Variants in CD6 observed in about 807,000 individuals in gnomAD.
CD6 encodes CD6 molecule.
In CD6, 53 loss-of-function variants were observed where a neutral mutation model predicts 75.3. That is an observed-to-expected ratio of 0.70 (90% CI 0.56 to 0.88). CD6 has a LOEUF of 0.88. CD6 is among the 40% of genes least tolerant of loss of function. CD6 has a pLI of 0.00. For synonymous variants in CD6, 359 were observed against 381.5 expected (o/e 0.94, Z 0.69); for missense variants, 770 against 897.1 (o/e 0.86, Z 1.81).
At chr11:60,992,837 A>G (rs1858124528) in intron 1 of CD6, among the ~76,000 whole-genome samples, 2 of 151,936 alleles carry the variant, frequency 1.3e-5, no homozygotes, top group African/African-American at 4.8e-5. Context: ...CCAAAAATAA[A>G]AAAAAATAAA....
chr11:60,999,786 C>T (rs1858491696), intron 1 of CD6, among the ~76,000 whole-genome samples: 1 of 152,024 alleles, frequency 6.6e-6, no homozygotes, highest in South Asian at 2.1e-4. Context: ...GTGGCTCACG[C>T]CTGTAATCCC....
At chr11:61,011,750 T>C (rs1565159429) in intron 6 of CD6, among the ~76,000 whole-genome samples, 1 of 152,184 alleles carries the variant, frequency 6.6e-6, no homozygotes, top group Non-Finnish European at 1.5e-5. Flanking sequence ...CAGCTGCGTG[T>C]AGCTTGGCTG....
At chr11:61,015,596 C>A (rs543675390) in intron 8 of CD6, 117 bp from the exon 9 acceptor site, 1 of 1,190,962 alleles carries the variant, frequency 8.4e-7, no homozygotes, top group Non-Finnish European at 1.2e-6. Context: ...AAAAAGGGGG[C>A]TACTTGGTGC....
intron 1 of CD6, among the ~76,000 whole-genome samples, chr11:60,976,829 C>G (rs143097408): frequency 6.6e-6 from 1 of 152,296 alleles, no homozygotes; most frequent in Non-Finnish European, 1.5e-5. Flanking sequence ...CTACATCTGC[C>G]GTGCATCTGG....
At chr11:61,003,291 C>T (rs947249207) in intron 1 of CD6, among the ~76,000 whole-genome samples, 23 of 151,988 alleles carry the variant, frequency 1.5e-4, no homozygotes, top group Non-Finnish European at 3.1e-4. Context: ...CATCCAACTT[C>T]TCAACACAGG....
At chr11:61,010,763 G>A (rs1030292983) in intron 5 of CD6, among the ~76,000 whole-genome samples, 4 of 152,206 alleles carry the variant, frequency 2.6e-5, no homozygotes, top group African/African-American at 7.2e-5. Context: ...GGCTGATTAA[G>A]AACAAACTGA....
intron 1 of CD6, among the ~76,000 whole-genome samples, chr11:60,977,132 C>G (rs1857394149): frequency 6.6e-6 from 1 of 152,002 alleles, no homozygotes; most frequent in Non-Finnish European, 1.5e-5. Context: ...TGCCCATGGC[C>G]CTCCTCATTC....
intron 7 of CD6, 68 bp downstream of exon 7, chr11:61,013,631 CA>C (rs1486593013): frequency 1.3e-6 from 2 of 1,560,898 alleles, no homozygotes; most frequent in Non-Finnish European, 8.8e-7. Flanking sequence ...ACCCCAGCAG[CA>C]GTGGCGTGGT....
intron 1 of CD6, among the ~76,000 whole-genome samples, chr11:61,004,796 C>G (rs61899222): frequency 0.16 from 24,247 of 152,220 alleles, 2,210 homozygotes; most frequent in African/African-American, 0.25. Flanking sequence ...GCTGGGTCAA[C>G]ATCCCCTTCC....
rs772840385 is a variant in CD6 at position 61,015,783 on chromosome 11, TGA to T, written c.1460_1461del (p.Glu487AlafsTer3). ...CAGACTCTGGCTCGGACTCAGACTA[TGA>T]GCACTATGACTTCAGCGCCCAGCCT... The part of the protein sequence containing the change: ...DSDSGSDSDY[E>X]HYDFSAQPPV... On this transcript the variant is annotated frameshift_variant, in exon 9 of 13. Coordinates refer to ENST00000313421, the MANE Select transcript of CD6 (RefSeq NM_006725.5). LOFTEE classifies it high-confidence loss of function. 1.2e-6 allele frequency: 2 copies of T among 1,614,174 alleles called. No individual in the cohort carries two copies. Among genetic ancestry groups the T allele is most frequent in the South Asian group, 2.2e-5 (2 of 91,086 alleles).
intron 5 of CD6, among the ~76,000 whole-genome samples, chr11:61,010,179 T>C (rs1409430881): frequency 6.6e-6 from 1 of 152,204 alleles, no homozygotes; most frequent in Non-Finnish European, 1.5e-5. Context: ...GGCCTGGTGA[T>C]GATAGTAAAA....
chr11:60,982,485 CT>C (rs1194858833), intron 1 of CD6: 1 of 433,142 alleles, frequency 2.3e-6, no homozygotes, highest in East Asian at 7.0e-5. Flanking sequence ...GTGTTCACCT[CT>C]TTCAGGAGGG....
intron 1 of CD6, among the ~76,000 whole-genome samples, chr11:60,997,998 G>A (rs909113883): frequency 3.3e-5 from 5 of 152,190 alleles, no homozygotes; most frequent in African/African-American, 9.7e-5. Context: ...TTATACAGAT[G>A]AGTGCTTTGT....
rs1859560221 is a variant in CD6 at position 61,019,106 on chromosome 11, G to A, written c.1943-148G>A. 6.5e-6 allele frequency: 4 copies of A among 617,428 alleles called. No individual in the cohort carries two copies. In the East Asian group the frequency reaches 1.1e-4, roughly 17 times the overall value. 38.2% of individuals were successfully genotyped at this position (617,428 alleles called of 1,614,324 possible). A position where few individuals can be genotyped will look rare whatever the true frequency, so the allele number is the denominator to read the frequency against. On this transcript the variant is annotated intron_variant, in intron 12 of 12. Coordinates refer to ENST00000313421, the MANE Select transcript of CD6 (RefSeq NM_006725.5). Reference sequence around the variant, plus strand: ...TCCCTCAGTGCTGATGTTCTAGTCAGGGACATGGCCGGAAGCAAGATGATC... The same window carrying A: ...TCCCTCAGTGCTGATGTTCTAGTCAAGGACATGGCCGGAAGCAAGATGATC...
At chr11:60,972,045 C>T (rs1347236899) in intron 1 of CD6, 131 bp downstream of exon 1, 1 of 906,468 alleles carries the variant, frequency 1.1e-6, no homozygotes, top group Non-Finnish European at 1.7e-6. Context: ...ACTCAGGTAC[C>T]AGGGAGGTCC....
chr11:61,002,195 A>T (rs1858616546), intron 1 of CD6, among the ~76,000 whole-genome samples: 1 of 152,188 alleles, frequency 6.6e-6, no homozygotes, highest in Non-Finnish European at 1.5e-5. Flanking sequence ...AATGGACCGT[A>T]ATTGATTCAG....
At chr11:60,986,742 C>T (rs899754405) in intron 1 of CD6, among the ~76,000 whole-genome samples, 2 of 152,200 alleles carry the variant, frequency 1.3e-5, no homozygotes, top group African/African-American at 4.8e-5. Context: ...CAGCTCCCAC[C>T]TTCTGCCCCG....
intron 1 of CD6, among the ~76,000 whole-genome samples, chr11:60,987,523 G>A (rs1168643691): frequency 6.6e-6 from 1 of 151,410 alleles, no homozygotes; most frequent in African/African-American, 2.4e-5. Context: ...TGTATGTAGT[G>A]TGTATAGGGT....
chr11:60,994,981 C>A (rs1376268762), intron 1 of CD6, among the ~76,000 whole-genome samples: 1 of 152,152 alleles, frequency 6.6e-6, no homozygotes, highest in African/African-American at 2.4e-5. Flanking sequence ...TGTGACTGAG[C>A]CTGTGACAGC....
Sources: gnomAD v4.1 joint callset for allele counts (sites outside exome capture counted in the v4.1 genomes callset) on GRCh38, gnomAD v4.1.1 for gene constraint, MANE v1.5 for transcripts, NCBI Gene and HGNC (gene_info 2026-07-23, HGNC 2026-07-21) for gene names.